Variants in MMP16 observed in about 807,000 individuals in gnomAD.
MMP16 encodes the protein matrix metalloproteinase-16.
A neutral mutation model predicts 67.8 loss-of-function variants in MMP16; 12 were observed. That is an observed-to-expected ratio of 0.18 (90% confidence interval 0.11 to 0.29). The LOEUF (loss-of-function observed/expected upper bound fraction) is 0.29. Among genes scored for constraint, MMP16 ranks in the 10% least tolerant of loss-of-function variants. MMP16 has a pLI of 1.00. For synonymous variants in MMP16, 249 were observed against 255.9 expected (o/e 0.97, Z 0.26); for missense variants, 475 against 765.7 (o/e 0.62, Z 4.48).
At chr8:88,063,671 G>A (rs1186416595) in intron 7 of MMP16, among the ~76,000 whole-genome samples, 1 of 151,904 alleles carries the variant, frequency 6.6e-6, no homozygotes, top group Admixed American at 6.6e-5. Context: ...CAAAGAAGTG[G>A]TGTGTCTAAA....
At chr8:88,174,756 GC>G (rs2129721098) in intron 3 of MMP16, among the ~76,000 whole-genome samples, 1 of 145,986 alleles carries the variant, frequency 6.8e-6, no homozygotes, top group Non-Finnish European at 1.5e-5. Context: ...CATTTTGACT[GC>G]TTTTTTTTTT....
At chr8:88,236,810 G>T (rs550140804) in intron 1 of MMP16, among the ~76,000 whole-genome samples, 2 of 92,892 alleles carry the variant, frequency 2.2e-5, no homozygotes, top group South Asian at 7.1e-4. Flanking sequence ...CTCACCTTGC[G>T]ATGACTCACT....
At chr8:88,164,003 G>A (rs1808672611) in intron 4 of MMP16, among the ~76,000 whole-genome samples, 3 of 152,016 alleles carry the variant, frequency 2.0e-5, no homozygotes, top group Non-Finnish European at 4.4e-5. Flanking sequence ...ATGGTCTTTA[G>A]CTAGAATTTT....
chr8:88,133,830 TATTA>T (rs1204908209), intron 4 of MMP16, among the ~76,000 whole-genome samples: 1 of 151,820 alleles, frequency 6.6e-6, no homozygotes, highest in Non-Finnish European at 1.5e-5. Context: ...TCATCTAACA[TATTA>T]ATTATAATCA....
chr8:88,266,012 G>A (rs1463615145), intron 1 of MMP16, among the ~76,000 whole-genome samples: 1 of 152,168 alleles, frequency 6.6e-6, no homozygotes, highest in Admixed American at 6.5e-5. Flanking sequence ...ATGAGAGCTT[G>A]CTCTATCCAT....
intron 1 of MMP16, among the ~76,000 whole-genome samples, chr8:88,268,850 A>C (rs1585989718): frequency 6.6e-6 from 1 of 150,998 alleles, no homozygotes; most frequent in African/African-American, 2.4e-5. Context: ...CTTTCTATTC[A>C]CTCTTCTTCC....
intron 3 of MMP16, among the ~76,000 whole-genome samples, chr8:88,185,174 C>T (rs974840211): frequency 2.6e-5 from 4 of 151,878 alleles, no homozygotes; most frequent in Non-Finnish European, 4.4e-5. Context: ...AAAAGTGTTC[C>T]CAGGCCAGGC....
At chr8:88,059,825 G>A (rs1808374829) in intron 7 of MMP16, among the ~76,000 whole-genome samples, 1 of 151,858 alleles carries the variant, frequency 6.6e-6, no homozygotes. Flanking sequence ...AGATGACCCA[G>A]AGAACACCGA....
At chr8:88,259,246 A>G (rs963684442) in intron 1 of MMP16, among the ~76,000 whole-genome samples, 4 of 152,210 alleles carry the variant, frequency 2.6e-5, no homozygotes, top group Admixed American at 2.6e-4. Flanking sequence ...CTATCATGCC[A>G]AAGTCACAAC....
chr8:88,223,469 TTAAGAAAATG>T (rs560908415), intron 1 of MMP16, among the ~76,000 whole-genome samples: 80 of 151,748 alleles, frequency 5.3e-4, no homozygotes, highest in Middle Eastern at 3.4e-3. Flanking sequence ...ATAGACTGGA[TTAAGAAAATG>T]TGGCACATAT....
In MMP16 at chr8:88,058,859, T is replaced by G. The variant is rs112462177; in HGVS notation, c.1223-2581A>C. Among the ~76,000 whole-genome samples, 21 of 152,118 alleles carry G rather than the reference T, an allele frequency of 1.4e-4. 1 individual carries two copies. Among genetic ancestry groups the G allele is most frequent in the African/African-American group, 4.8e-4 (20 of 41,548 alleles). On this transcript the variant is annotated intron_variant, in intron 7 of 9. Coordinates refer to ENST00000286614, the MANE Select transcript of MMP16 (RefSeq NM_005941.5). The surrounding 1 kb of genome is among the most constrained non-coding windows in gnomAD (Gnocchi z 4.2). The stretch of plus-strand genomic sequence containing the variant: ...AAATCAAAAAGTTCTTTGACAGTGG[T>G]TTGGACCAACACAGCAGAAATAGAG...
chr8:88,182,116 G>A (rs1471895064), intron 3 of MMP16, among the ~76,000 whole-genome samples: 2 of 152,036 alleles, frequency 1.3e-5, no homozygotes, highest in East Asian at 1.9e-4. Context: ...AACATACAAC[G>A]CCAAAAGCAC....
At chr8:88,066,334 C>T (rs1808462681) in intron 7 of MMP16, among the ~76,000 whole-genome samples, 1 of 151,932 alleles carries the variant, frequency 6.6e-6, no homozygotes, top group Admixed American at 6.6e-5. Flanking sequence ...ATGGGATATA[C>T]CTGAGTGATG....
At chr8:88,268,662 C>A (rs1412343069) in intron 1 of MMP16, among the ~76,000 whole-genome samples, 1 of 152,118 alleles carries the variant, frequency 6.6e-6, no homozygotes, top group Non-Finnish European at 1.5e-5. Flanking sequence ...GTCAATTTGT[C>A]CATCACTGGT....
intron 1 of MMP16, among the ~76,000 whole-genome samples, chr8:88,197,592 T>C (rs1337540267): frequency 6.6e-6 from 1 of 152,176 alleles, no homozygotes; most frequent in Non-Finnish European, 1.5e-5. Flanking sequence ...TAGCAAATAC[T>C]GGATAAAAAC....
At chr8:88,247,083 G>T (rs955625617) in intron 1 of MMP16, among the ~76,000 whole-genome samples, 3 of 152,098 alleles carry the variant, frequency 2.0e-5, no homozygotes, top group African/African-American at 7.2e-5. Context: ...GAAGAATAAA[G>T]ATAACCAATA....
intron 6 of MMP16, among the ~76,000 whole-genome samples, chr8:88,084,276 T>C (rs1038017913): frequency 3.3e-5 from 5 of 151,976 alleles, no homozygotes; most frequent in Non-Finnish European, 7.4e-5. Flanking sequence ...AAGTCTATGA[T>C]GTACAATCAC....
chr8:88,292,639 A>C (rs1810943636), intron 1 of MMP16, among the ~76,000 whole-genome samples: 1 of 152,220 alleles, frequency 6.6e-6, no homozygotes, highest in African/African-American at 2.4e-5. Context: ...TGAAGTGCTA[A>C]TGAAATAAGT....
At chr8:88,292,088 G>C (rs1810934600) in intron 1 of MMP16, among the ~76,000 whole-genome samples, 1 of 152,112 alleles carries the variant, frequency 6.6e-6, no homozygotes, top group South Asian at 2.1e-4. Context: ...AATAGATGCT[G>C]CTTCCTGAAA....
Sources: gnomAD v4.1 joint callset for allele counts (sites outside exome capture counted in the v4.1 genomes callset) on GRCh38, gnomAD v4.1.1 for gene constraint, Gnocchi (gnomAD v3.1) non-coding constraint, MANE v1.5 for transcripts, NCBI Gene and HGNC (gene_info 2026-07-23, HGNC 2026-07-21) for gene names.